CDC42BPA: variants seen among roughly 807,000 people sequenced by gnomAD.
CDC42BPA encodes CDC42 binding protein kinase alpha, also known as serine/threonine-protein kinase MRCK alpha.
CDC42BPA carries 80 observed loss-of-function variants against 223.5 expected under a neutral mutation model. The ratio of observed to expected loss-of-function variants is 0.36; its 90% CI spans 0.30 to 0.43. The LOEUF (loss-of-function observed/expected upper bound fraction) is 0.43, where lower values mean the gene tolerates loss of function less well. Among genes scored for constraint, CDC42BPA ranks in the 20% least tolerant of loss-of-function variants. CDC42BPA has a pLI of 1.00. For synonymous variants in CDC42BPA, 694 were observed against 718.6 expected, an observed-to-expected ratio of 0.97 and a Z score of 0.55; for missense variants, 1,743 against 2,099.9, an observed-to-expected ratio of 0.83 and a Z score of 3.32.
At chr1:227,219,716 C>G (rs766742645) in intron 2 of CDC42BPA, among the ~76,000 whole-genome samples, 2 of 152,056 alleles carry the variant, frequency 1.3e-5, no homozygotes, top group African/African-American at 2.4e-5. Context: ...GACAAAACAT[C>G]TTGGAGGAAA....
chr1:227,244,929 G>A (rs1231626883), intron 2 of CDC42BPA, among the ~76,000 whole-genome samples: 1 of 152,218 alleles, frequency 6.6e-6, no homozygotes, highest in Non-Finnish European at 1.5e-5. Context: ...ATGAAGCCCT[G>A]CTGGGCTCAG....
At chr1:227,236,780 A>C (rs1208806122) in intron 2 of CDC42BPA, among the ~76,000 whole-genome samples, 1 of 152,104 alleles carries the variant, frequency 6.6e-6, no homozygotes, top group East Asian at 1.9e-4. Context: ...GAGGCATATC[A>C]TATAAGGCCG....
intron 17 of CDC42BPA, among the ~76,000 whole-genome samples, chr1:227,076,095 T>A (rs868854510): frequency 5.9e-5 from 9 of 152,302 alleles, no homozygotes; most frequent in Non-Finnish European, 1.2e-4. Flanking sequence ...CTCTTTTTCT[T>A]GGCTATAGAG....
chr1:227,147,284 ATT>A, intron 7 of CDC42BPA, 73 bp downstream of exon 7: 1 of 1,050,150 alleles, frequency 9.5e-7, no homozygotes, highest in African/African-American at 1.6e-5. Flanking sequence ...TTAGAAAAAT[ATT>A]TTCTCTTTAA....
In CDC42BPA at chr1:227,147,476, A is replaced by G. The variant is rs751369834; in HGVS notation, c.777T>C (p.Tyr259=). 34 of 1,613,408 alleles carry G rather than the reference A, an allele frequency of 2.1e-5. No homozygotes were observed. In the South Asian group the frequency reaches 3.5e-4, roughly 17 times the overall value. Residue 259 remains tyrosine (Y), a synonymous_variant, in exon 7 of 37, where the codon TAT becomes TAC. Transcript: ENST00000366766. The part of the protein sequence containing the change: ...LQAMEDGKGR[Y]GPECDWWSLG... ...AAGACCACCAGTCACATTCAGGTCC[A>G]TATCTCCCTTTTCCATCTTCCATGG...
intron 17 of CDC42BPA, among the ~76,000 whole-genome samples, chr1:227,075,023 G>A (rs1929869): frequency 0.2 from 30,362 of 152,046 alleles, 3,134 homozygotes; most frequent in Middle Eastern, 0.26. Flanking sequence ...TCAAGAAAAC[G>A]TCTGCATTTC....
In CDC42BPA at chr1:227,081,009, A is replaced by C. The variant is rs770072254; in HGVS notation, c.2364T>G (p.Thr788=). 12 of 1,613,502 alleles carry C rather than the reference A, an allele frequency of 7.4e-6. No homozygotes were observed. In the South Asian group the frequency reaches 1.3e-4, roughly 18 times the overall value. ...KLTSELDKLT[T]LYENLSIHNQ... ...TGTGTATACTTAAGTTCTCATACAA[A>C]GTAGTAAGCTGAAAGATAGTTTTAA... Residue 788 remains threonine (T), a synonymous_variant, in exon 17 of 37, where the codon ACT becomes ACG. Coordinates refer to ENST00000366766, the MANE Select transcript of CDC42BPA (RefSeq NM_001394014.1).
intron 5 of CDC42BPA, among the ~76,000 whole-genome samples, chr1:227,180,843 T>C (rs1667810187): frequency 6.6e-6 from 1 of 152,194 alleles, no homozygotes; most frequent in Admixed American, 6.5e-5. Context: ...ATTTTTGAAG[T>C]TATAGTTCAC....
At chr1:227,011,021 T>G in intron 34 of CDC42BPA, 1 of 1,359,284 alleles carries the variant, frequency 7.4e-7, no homozygotes, top group Non-Finnish European at 9.8e-7. Flanking sequence ...GGAGAGGAGA[T>G]CAGACCGGAG....
chr1:227,020,341 A>T (rs1198452287), intron 32 of CDC42BPA, among the ~76,000 whole-genome samples: 1 of 152,252 alleles, frequency 6.6e-6, no homozygotes, highest in African/African-American at 2.4e-5. Context: ...TAGCTATGAA[A>T]GTCCTAGATG....
At chr1:227,153,037 A>C (rs995823698) in intron 6 of CDC42BPA, among the ~76,000 whole-genome samples, 3 of 151,950 alleles carry the variant, frequency 2.0e-5, no homozygotes, top group Non-Finnish European at 2.9e-5. Flanking sequence ...AATAATATAT[A>C]CCTAACAGCA....
rs1306998218 is a variant in CDC42BPA, at chr1:227,029,146, A to G, written c.3943T>C (p.Phe1315Leu). 6.2e-7 allele frequency: 1 copy of G among 1,607,988 alleles called. No individual in the cohort carries two copies. Among genetic ancestry groups the G allele is most frequent in the African/African-American group, 1.3e-5 (1 of 74,944 alleles). Residue 1315 changes from phenylalanine (F) to leucine (L), a missense_variant, in exon 30 of 37, where the codon TTT (phenylalanine) becomes CTT (leucine). By Grantham distance (22) the Phe-to-Leu change is conservative. Coordinates refer to ENST00000366766, the MANE Select transcript of CDC42BPA (RefSeq NM_001394014.1). The part of the protein sequence containing the change: ...ISGRNRHVRL[F>L]PMSALDGRET... ...CGCCCATCCAATGCTGACATAGGAA[A>G]AAGTCGTACATGACGATTTCGTCCT...
At chr1:227,125,930 T>C (rs1039955444) in intron 11 of CDC42BPA, among the ~76,000 whole-genome samples, 1 of 152,074 alleles carries the variant, frequency 6.6e-6, no homozygotes, top group Non-Finnish European at 1.5e-5. Flanking sequence ...TTTATAATAA[T>C]TTTATGTTGC....
intron 35 of CDC42BPA, among the ~76,000 whole-genome samples, chr1:227,000,334 A>G (rs1297682358): frequency 6.6e-6 from 1 of 152,096 alleles, no homozygotes; most frequent in African/African-American, 2.4e-5. Context: ...TTAGATTACG[A>G]GCTAATTGAA....
intron 4 of CDC42BPA, among the ~76,000 whole-genome samples, chr1:227,196,516 T>A (rs1670767988): frequency 6.6e-6 from 1 of 151,918 alleles, no homozygotes; most frequent in Admixed American, 6.6e-5. Context: ...ATTTTTTGTA[T>A]TTTTAGTAGA....
At chr1:227,309,879 A>C (rs988041192) in intron 1 of CDC42BPA, among the ~76,000 whole-genome samples, 6 of 152,274 alleles carry the variant, frequency 3.9e-5, no homozygotes, top group African/African-American at 1.4e-4. Flanking sequence ...CTTTTCTTAG[A>C]TGTAATTTTA....
intron 14 of CDC42BPA, among the ~76,000 whole-genome samples, chr1:227,104,455 G>A (rs954429885): frequency 6.6e-6 from 1 of 152,108 alleles, no homozygotes; most frequent in African/African-American, 2.4e-5. Flanking sequence ...GAAATAACTA[G>A]GTATGTGAAA....
At chr1:227,309,778 A>G (rs1693202659) in intron 1 of CDC42BPA, among the ~76,000 whole-genome samples, 1 of 152,190 alleles carries the variant, frequency 6.6e-6, no homozygotes, top group African/African-American at 2.4e-5. Context: ...AAAAGGTCAT[A>G]ATTAAGAGAT....
intron 3 of CDC42BPA, among the ~76,000 whole-genome samples, chr1:227,211,112 T>A (rs1242427423): frequency 6.6e-6 from 1 of 152,076 alleles, no homozygotes; most frequent in East Asian, 1.9e-4. Flanking sequence ...CCTTGAGAAA[T>A]CCAACCAGTG....
Sources: allele counts gnomAD v4.1 joint callset (sites outside exome capture counted in the v4.1 genomes callset), GRCh38; gene constraint gnomAD v4.1.1; transcripts MANE v1.5; gene names NCBI Gene and HGNC (gene_info 2026-07-23, HGNC 2026-07-21).